Variants in PSG11 observed in about 807,000 individuals in gnomAD.
PSG11 encodes pregnancy specific beta-1-glycoprotein 11.
PSG11 carries 42 observed loss-of-function variants against 36.0 expected under a neutral mutation model. That is an observed-to-expected ratio of 1.17 (90% CI 0.91 to 1.51). The LOEUF (loss-of-function observed/expected upper bound fraction) is 1.51. PSG11 is among the 40% of genes most tolerant of loss of function. PSG11 has a pLI of 0.00. For missense variants in PSG11, 558 were observed against 403.5 expected, an observed-to-expected ratio of 1.38 and a Z score of -3.28; for synonymous variants, 206 against 153.5, an observed-to-expected ratio of 1.34 and a Z score of -2.53.
chr19:43,025,934 C>CTTTTTTTTTTTTTTTTTT (rs1967240749), intron 1 of PSG11, among the ~76,000 whole-genome samples: 6 of 61,470 alleles, frequency 9.8e-5, no homozygotes, highest in East Asian at 8.7e-4. Flanking sequence ...TTTTTTTTTT[C>CTTTTTTTTTTTTTTTTTT]TCTTTTTTTT....
intron 2 of PSG11, among the ~76,000 whole-genome samples, chr19:43,022,389 CAG>C (rs1967122249): frequency 1.3e-5 from 2 of 151,212 alleles, no homozygotes; most frequent in Admixed American, 6.6e-5. Context: ...CAAGCACAAA[CAG>C]ATCATTTCCC....
chr19:43,018,975 G>C lies in PSG11; in HGVS notation c.504C>G (p.Thr168=). ...PREAMETVIL[T]CNPETPDASY... ...TTGCGTCCGGAGTCTCAGGATTACA[G>C]GTTAAGATCACAGTCTCCATGGCCT... The change falls in exon 3 of 6, where the codon ACC becomes ACG. Residue 168 remains threonine (T), a synonymous_variant. Coordinates refer to ENST00000320078, the MANE Select transcript of PSG11 (RefSeq NM_002785.3). 3 of 1,612,098 alleles carry C rather than the reference G, an allele frequency of 1.9e-6. No individual in the cohort carries two copies. The highest frequency in any genetic ancestry group is 1.7e-6 in the Non-Finnish European group (2 of 1,179,144).
At chr19:43,020,613 G>A (rs1198874077) in intron 2 of PSG11, among the ~76,000 whole-genome samples, 2 of 151,346 alleles carry the variant, frequency 1.3e-5, no homozygotes, top group African/African-American at 2.4e-5. Flanking sequence ...CCAACATAAG[G>A]TTTAGGTGTG....
rs772974949 is a variant in PSG11, at chr19:43,025,097, G to A, written c.65-41C>T. 30 of 1,579,772 alleles carry A rather than the reference G, an allele frequency of 1.9e-5. 5 individuals carry two copies. In the Admixed American group the frequency reaches 3.2e-4, roughly 17 times the overall value. ...AGCATCAGTCAATATTGAGACCTATGTATTGGGGTGAAAAGATGGGGCCCT... is the reference window on the plus strand; with the variant it reads ...AGCATCAGTCAATATTGAGACCTATATATTGGGGTGAAAAGATGGGGCCCT... On this transcript the variant is annotated intron_variant, in intron 1 of 5. Coordinates refer to ENST00000320078, the MANE Select transcript of PSG11 (RefSeq NM_002785.3).
chr19:43,013,477 G>A (rs1440092168), intron 4 of PSG11, among the ~76,000 whole-genome samples: 1 of 151,202 alleles, frequency 6.6e-6, no homozygotes, highest in Non-Finnish European at 1.5e-5. Flanking sequence ...TCCAAGGAAG[G>A]AACACAAATA....
Position 43,015,500 on chromosome 19 carries a change from T to A in PSG11, c.710-130A>T, listed in dbSNP as rs1241426866. The A allele has an allele frequency of 2.2e-6, 3 of 1,356,452 alleles. No homozygotes were observed. The East Asian group carries it at 6.9e-5, about 31-fold the overall frequency. 84.0% of individuals were successfully genotyped at this position (1,356,452 alleles called of 1,614,324 possible). ...AAGTCCCAGCCAAACCCCCTCTATG[T>A]TCACTGAGCTGAAGCCTGAAGTATT... On this transcript the variant is annotated intron_variant, in intron 3 of 5. Transcript: ENST00000320078.
At chr19:43,010,610 T>A (rs112433811) in intron 4 of PSG11, 13,704 of 345,102 alleles carry the variant, frequency 0.04, 473 homozygotes, top group Non-Finnish European at 0.049. Flanking sequence ...ACTCTTAGAA[T>A]TGCATTGGTA....
At chr19:43,010,535 T>G in intron 4 of PSG11, 2 of 598,820 alleles carry the variant, frequency 3.3e-6, no homozygotes, top group South Asian at 2.4e-5. Context: ...CAAGCCTAGT[T>G]CTCTGAGGCT....
intron 4 of PSG11, chr19:43,014,635 C>G: frequency 9.3e-7 from 1 of 1,080,486 alleles, no homozygotes. Context: ...GAGCCCGGAG[C>G]AGAGCAGGAA....
rs183930687 is a variant in PSG11 at position 43,025,114 on chromosome 19, T to C, written c.65-58A>G. ...AGACCTATGTATTGGGGTGAAAAGA[T>C]GGGGCCCTGAGTCCTGAGAAGGTCT... On this transcript the variant is annotated intron_variant, in intron 1 of 5. Coordinates refer to ENST00000320078, the MANE Select transcript of PSG11 (RefSeq NM_002785.3). 4.5e-5 allele frequency: 71 copies of C among 1,564,814 alleles called. 5 individuals are homozygous for C. In the African/African-American group the frequency reaches 7.0e-4, roughly 15 times the overall value.
At chr19:43,020,764 G>A (rs1243030297) in intron 2 of PSG11, among the ~76,000 whole-genome samples, 1 of 151,138 alleles carries the variant, frequency 6.6e-6, no homozygotes, top group Non-Finnish European at 1.5e-5. Context: ...GAGGAAGGAT[G>A]CCAAATTAAA....
At position 43,018,735 on chromosome 19, in the gene PSG11, G is replaced by A. The variant is rs369917521; in HGVS notation, c.709+35C>T. 2.5e-5 allele frequency: 41 copies of A among 1,612,018 alleles called. 2 individuals are homozygous for A. The highest frequency in any genetic ancestry group is 3.5e-5 in the Non-Finnish European group (41 of 1,179,018). ...CCTCTGGCCATGTGTATTTGGGATG[G>A]CAGCCTGGCTCACAGAGGAACAGAA... On this transcript the variant is annotated intron_variant, in intron 3 of 5. Transcript: ENST00000320078.
At chr19:43,012,227 A>G (rs1361966391) in intron 4 of PSG11, among the ~76,000 whole-genome samples, 6 of 151,480 alleles carry the variant, frequency 4.0e-5, no homozygotes, top group Admixed American at 6.6e-5. Flanking sequence ...CTTCCCCTCT[A>G]TGAGCAGGAA....
intron 3 of PSG11, among the ~76,000 whole-genome samples, chr19:43,016,645 T>C (rs994924167): frequency 6.6e-6 from 1 of 151,400 alleles, no homozygotes; most frequent in African/African-American, 2.4e-5. Flanking sequence ...GGGCAGTGTT[T>C]TGCAGGTGTT....
Position 43,024,779 on chromosome 19 carries a change from C to T in PSG11, c.342G>A (p.Arg114=), listed in dbSNP as rs751357439. 33 of 1,611,872 alleles carry T rather than the reference C, an allele frequency of 2.0e-5. 2 individuals are homozygous for T. In the East Asian group the frequency reaches 4.9e-4, roughly 24 times the overall value. Residue 114 remains arginine (R), a synonymous_variant, in exon 2 of 6, where the codon CGG becomes CGA. Transcript: ENST00000320078. ...GTAAGGTGTAGGATCCTGCGTCCTC[C>T]CGGGTGACATTCTGGATCAGCAGGG... ...NASLLIQNVT[R]EDAGSYTLHI... is the part of the protein sequence containing the mutation.
chr19:43,010,595 C>A, intron 4 of PSG11: 3 of 381,848 alleles, frequency 7.9e-6, no homozygotes, highest in East Asian at 6.5e-5. Context: ...ATCAGCCTTG[C>A]AAAAACTCTT....
rs559521377 is a variant in PSG11, at chr19:43,022,676, C to T, written c.430+2015G>A. The stretch of plus-strand genomic sequence containing the variant: ...TGATAAGAGTGGTTGGAGGGACTTC[C>T]TATCCCTGTCCCATGGTCTTGTCCA... On this transcript the variant is annotated intron_variant, in intron 2 of 5. Transcript: ENST00000320078. 1.2e-3 allele frequency among the ~76,000 whole-genome samples: 181 copies of T among 151,366 alleles called. 10 individuals are homozygous for T. In the South Asian group the frequency reaches 0.035, roughly 30 times the overall value.
In PSG11 at chr19:43,024,750, A is replaced by G; in HGVS notation, c.371T>C (p.Ile124Thr). Residue 124 changes from isoleucine (I) to threonine (T), a missense_variant, in exon 2 of 6, where the codon ATC becomes ACC. Coordinates refer to ENST00000320078, the MANE Select transcript of PSG11 (RefSeq NM_002785.3). ...TCTAGTCCCATCACCTCGCTTTATG[A>G]TGTGTAAGGTGTAGGATCCTGCGTC... is the stretch of plus-strand genomic sequence containing the variant. ...REDAGSYTLH[I>T]IKRGDGTRGV... The G allele has an allele frequency of 2.0e-5, 33 of 1,611,792 alleles. 1 individual carries two copies. Among genetic ancestry groups the G allele is most frequent in the Non-Finnish European group, 2.8e-5 (33 of 1,178,986 alleles).
rs1417558834 is a variant in PSG11 at position 43,015,749 on chromosome 19, C to G, written c.710-379G>C. The G allele has an allele frequency of 1.2e-5, 19 of 1,609,000 alleles. 1 individual carries two copies. The highest frequency in any genetic ancestry group is 1.6e-5 in the Non-Finnish European group (19 of 1,178,146). ...GGATTTAAGCTGGTGTCCTGGCCCA[C>G]AGAGGAACAAAAGATACAGAGGACA... On this transcript the variant is annotated intron_variant, in intron 3 of 5. Coordinates refer to ENST00000320078, the MANE Select transcript of PSG11 (RefSeq NM_002785.3).
Sources: allele counts gnomAD v4.1 joint callset (sites outside exome capture counted in the v4.1 genomes callset), GRCh38; gene constraint gnomAD v4.1.1; transcripts MANE v1.5; gene names NCBI Gene and HGNC (gene_info 2026-07-23, HGNC 2026-07-21).